STAG3: variants seen among roughly 807,000 people sequenced by gnomAD.
STAG3 encodes cohesin subunit SA-3.
STAG3 carries 101 observed loss-of-function variants against 160.7 expected under a neutral mutation model. The observed-to-expected ratio is 0.63, with a 90% CI of 0.54 to 0.74. The LOEUF is 0.74. STAG3 is among the 30% of genes least tolerant of loss of function. The probability of loss-of-function intolerance (pLI) is 0.00; values close to 1 mark genes in which losing one functional copy is unlikely to be tolerated. For synonymous variants in STAG3, 519 were observed against 585.0 expected, an observed-to-expected ratio of 0.89 and a Z score of 1.63; for missense variants, 1,188 against 1,517.4, an observed-to-expected ratio of 0.78 and a Z score of 3.61.
At chr7:100,188,640 C>G in intron 6 of STAG3, 111 bp downstream of exon 6, 1 of 1,137,960 alleles carries the variant, frequency 8.8e-7, no homozygotes, top group South Asian at 1.2e-5. Flanking sequence ...AGGAGGAATT[C>G]AGTCTCTTGG....
chr7:100,187,613 G>A (rs1043034046), intron 5 of STAG3, among the ~76,000 whole-genome samples: 1 of 152,146 alleles, frequency 6.6e-6, no homozygotes, highest in Non-Finnish European at 1.5e-5. Flanking sequence ...GAGCCCCTTG[G>A]CATTGTGGGC....
chr7:100,213,841 C>T lies in STAG3; in HGVS notation c.3672+35C>T, dbSNP rs1727130. On this transcript the variant is annotated intron_variant, in intron 33 of 33. Transcript: ENST00000615138. ...CCCAGAGCAGGAGTTATGTATCCTT[C>T]GGAAATGCTGGCAGGCAACCCGTGC... The T allele has an allele frequency of 3.1e-6, 5 of 1,614,024 alleles. No individual in the cohort carries two copies. The South Asian group carries it at 3.3e-5, about 11-fold the overall frequency.
At chr7:100,205,789 G>C (rs2950517) in intron 29 of STAG3, among the ~76,000 whole-genome samples, 106,115 of 149,928 alleles carry the variant, frequency 0.71, 38,161 homozygotes, top group Middle Eastern at 0.86. Flanking sequence ...GAGATTGCGC[G>C]ACTGCACCCC....
chr7:100,213,186 A>T (rs1231461842), intron 32 of STAG3: 2 of 432,970 alleles, frequency 4.6e-6, no homozygotes, highest in African/African-American at 4.3e-5. Context: ...AAGGGCATTC[A>T]TCCATCCATG....
At chr7:100,183,282 G>A (rs1799771445) in intron 4 of STAG3, among the ~76,000 whole-genome samples, 1 of 152,210 alleles carries the variant, frequency 6.6e-6, no homozygotes, top group African/African-American at 2.4e-5. Context: ...CCAAAGTGCT[G>A]GGATTACAGG....
chr7:100,217,866 G>A (rs960715438), downstream of STAG3, among the ~76,000 whole-genome samples: 2 of 151,862 alleles, frequency 1.3e-5, no homozygotes, highest in African/African-American at 4.8e-5. Flanking sequence ...TGTACAGAGC[G>A]GAACATGAAA....
chr7:100,201,160 A>T lies in STAG3; in HGVS notation c.2132A>T (p.Asn711Ile). Residue 711 changes from asparagine (N) to isoleucine (I), a missense_variant and splice_region_variant, in exon 20 of 34, where the codon AAC (asparagine) becomes ATC (isoleucine). Coordinates refer to ENST00000615138, the MANE Select transcript of STAG3 (RefSeq NM_001282717.2). ...CTGAAACGCCTCTCTGCCTTCTACA[A>T]GTGAGTGGCTTTCCTCCTCTTCCCC... ...ATLKRLSAFY[N>I]THDLTRWELY... The T allele has an allele frequency of 6.2e-7, 1 of 1,614,164 alleles. No individual in the cohort carries two copies.
At chr7:100,198,673 CTG>C in intron 13 of STAG3, 91 bp downstream of exon 13, 1 of 1,328,610 alleles carries the variant, frequency 7.5e-7, no homozygotes, top group Non-Finnish European at 1.1e-6. Flanking sequence ...TTCCCCATCT[CTG>C]TGAAAGTCTC....
At chr7:100,186,054 A>C in intron 4 of STAG3, 146 bp from the exon 5 acceptor site, 1 of 724,394 alleles carries the variant, frequency 1.4e-6, no homozygotes, top group Non-Finnish European at 2.3e-6. Flanking sequence ...ATGAAATTTT[A>C]CCTTTCATTC....
In STAG3 at chr7:100,199,292, A is replaced by G; in HGVS notation, c.1498A>G (p.Ser500Gly). The change falls in exon 15 of 34, where the codon AGT becomes GGT. Residue 500 changes from serine to glycine, a missense_variant. Around this residue, in one of 4 missense-constraint regions of STAG3, gnomAD observed 240 missense variants for 358.1 expected, o/e 0.67. Coordinates refer to ENST00000615138, the MANE Select transcript of STAG3 (RefSeq NM_001282717.2). ...TGACCACGCTGCTTACTTAGTAGAC[A>G]GTCTGTGGGACTGTGCAGGGGCTCG... ...LHDHAAYLVD[S>G]LWDCAGARLK... The G allele has an allele frequency of 6.2e-7, 1 of 1,614,168 alleles. No individual in the cohort carries two copies. Among genetic ancestry groups the G allele is most frequent in the East Asian group, 2.2e-5 (1 of 44,888 alleles).
At chr7:100,195,464 C>A in intron 9 of STAG3, 82 bp downstream of exon 9, 2 of 1,318,040 alleles carry the variant, frequency 1.5e-6, no homozygotes, top group Non-Finnish European at 2.1e-6. Context: ...TTCCCCCCTC[C>A]AACCCTTAGT....
In STAG3 at chr7:100,197,758, T is replaced by G; in HGVS notation, c.1066-20T>G. 6.3e-7 allele frequency: 1 copy of G among 1,599,950 alleles called. No individual in the cohort carries two copies. Among genetic ancestry groups the G allele is most frequent in the Non-Finnish European group, 8.6e-7 (1 of 1,167,342 alleles). On this transcript the variant is annotated intron_variant, in intron 10 of 33. Coordinates refer to ENST00000615138, the MANE Select transcript of STAG3 (RefSeq NM_001282717.2). ...GTGGTTAGTCTTATTTCCATTCTCC[T>G]GGTTTTCCCTCCTCACCAGCACCGA... is the stretch of plus-strand genomic sequence containing the variant.
intron 32 of STAG3, 186 bp downstream of exon 32, chr7:100,212,062 T>G: frequency 3.7e-6 from 2 of 537,922 alleles, no homozygotes; most frequent in South Asian, 5.3e-5. Flanking sequence ...TATTAAAGAA[T>G]AAGGAAAAGA....
At position 100,201,827 on chromosome 7, in the gene STAG3, C is replaced by T; in HGVS notation, c.2262C>T (p.Leu754=). ...TGACTCTTGTCTATTTTTCCATTCTCTGGACACTAACCCACATTTCTAAAT... is the reference window on the plus strand; with the variant it reads ...TGACTCTTGTCTATTTTTCCATTCTTTGGACACTAACCCACATTTCTAAAT... ...PALTLVYFSI[L]WTLTHISKSD... Residue 754 remains leucine, a synonymous_variant, in exon 22 of 34, where the codon CTC becomes CTT. Transcript: ENST00000615138. 1.2e-6 allele frequency: 2 copies of T among 1,614,150 alleles called. No individual in the cohort carries two copies. Among genetic ancestry groups the T allele is most frequent in the South Asian group, 2.2e-5 (2 of 91,082 alleles).
chr7:100,197,940 C>T, intron 11 of STAG3, 64 bp downstream of exon 11: 1 of 1,527,804 alleles, frequency 6.5e-7, no homozygotes. Context: ...CACCTTGTAT[C>T]TTTCTACCCC....
chr7:100,214,143 A>T lies in STAG3; in HGVS notation c.*128A>T, dbSNP rs574011516. On this transcript the variant is annotated 3_prime_UTR_variant, in exon 34 of 34. Transcript: ENST00000615138. ...TCAGCCCTGGGCTCTGAGGGGAAAG[A>T]GTTGGGCATTGTTTTTCTAACCTAA... The T allele has an allele frequency of 1.7e-5, 23 of 1,342,510 alleles. No homozygotes were observed. In the South Asian group the frequency reaches 2.8e-4, roughly 16 times the overall value. 83.2% of individuals were successfully genotyped at this position (1,342,510 alleles called of 1,614,324 possible). A position where few individuals can be genotyped will look rare whatever the true frequency, so the allele number is the denominator to read the frequency against.
chr7:100,182,500 G>A (rs555043090), intron 3 of STAG3, among the ~76,000 whole-genome samples: 3 of 152,242 alleles, frequency 2.0e-5, no homozygotes, highest in African/African-American at 7.2e-5. Context: ...ACGTTAGGAT[G>A]TAGAGATACA....
At position 100,182,200 on chromosome 7, in the gene STAG3, A is replaced by G; in HGVS notation, c.219+8A>G. On this transcript the variant is annotated splice_region_variant and intron_variant, in intron 3 of 33. Transcript: ENST00000615138. ...CCACCGAAAACAACACCGGTGAGTC[A>G]GCCAGTTTTCTTTTGTTTTTGAATC... 4 of 1,605,002 alleles carry G rather than the reference A, an allele frequency of 2.5e-6. No homozygotes were observed. The highest frequency in any genetic ancestry group is 3.4e-6 in the Non-Finnish European group (4 of 1,174,806).
intron 8 of STAG3, among the ~76,000 whole-genome samples, chr7:100,193,057 T>G (rs1800440503): frequency 6.6e-6 from 1 of 152,254 alleles, no homozygotes; most frequent in African/African-American, 2.4e-5. Context: ...AAAAGCAACA[T>G]GGATCTCCTT....
Sources: gnomAD v4.1 joint callset for allele counts (sites outside exome capture counted in the v4.1 genomes callset) on GRCh38, gnomAD v4.1.1 for gene constraint, gnomAD v4.1.1 regional missense constraint, MANE v1.5 for transcripts, NCBI Gene and HGNC (gene_info 2026-07-23, HGNC 2026-07-21) for gene names.